SCP2: variants seen among roughly 807,000 people sequenced by gnomAD.
The protein encoded by SCP2 is sterol carrier protein 2.
A neutral mutation model predicts 71.4 loss-of-function variants in SCP2; 48 were observed. That is an observed-to-expected ratio of 0.67 (90% CI 0.53 to 0.86). SCP2 has a LOEUF of 0.86. Among genes scored for constraint, SCP2 ranks in the 40% least tolerant of loss-of-function variants. The pLI is 0.00. For missense variants in SCP2, 560 were observed against 655.6 expected (o/e 0.85, Z 1.59); for synonymous variants, 220 against 218.1 (o/e 1.01, Z -0.08).
intron 12 of SCP2, among the ~76,000 whole-genome samples, chr1:53,020,211 G>A (rs1661623075): frequency 6.6e-6 from 1 of 152,062 alleles, no homozygotes; most frequent in Non-Finnish European, 1.5e-5. Context: ...TGATCAGTGG[G>A]AAGAGTACCT....
Position 52,940,833 on chromosome 1 carries a change from CTCTGCCTCCTGGTTCAAGTGATTCT to C in SCP2, c.70-954_70-930del, listed in dbSNP as rs570146824. On this transcript the variant is annotated intron_variant, in intron 1 of 15. Transcript: ENST00000371514. Reference sequence around the variant, plus strand: ...TGGCACTATCTCGGCTCACTGCAACCTCTGCCTCCTGGTTCAAGTGATTCTTCTGCCTCAGCCTCCTGAGGAGCTG... The same window carrying C: ...TGGCACTATCTCGGCTCACTGCAACCTCTGCCTCAGCCTCCTGAGGAGCTG... 7.6e-3 allele frequency among the ~76,000 whole-genome samples: 1,161 copies of C among 152,260 alleles called. 10 individuals are homozygous for C. Among genetic ancestry groups the C allele is most frequent in the African/African-American group, 0.025 (1,048 of 41,532 alleles).
chr1:53,027,368 T>C (rs987239064), intron 12 of SCP2, among the ~76,000 whole-genome samples: 3 of 152,078 alleles, frequency 2.0e-5, no homozygotes, highest in Non-Finnish European at 4.4e-5. Flanking sequence ...ATATTATTTA[T>C]TTTTTTGTTT....
At chr1:53,029,480 T>A (rs896267321) in intron 13 of SCP2, among the ~76,000 whole-genome samples, 2 of 152,220 alleles carry the variant, frequency 1.3e-5, no homozygotes, top group African/African-American at 4.8e-5. Context: ...GTTACAGCCA[T>A]AATCACAATG....
chr1:53,009,215 AGAT>A (rs1175781306), intron 11 of SCP2, among the ~76,000 whole-genome samples: 8 of 152,228 alleles, frequency 5.3e-5, no homozygotes, highest in African/African-American at 1.9e-4. Flanking sequence ...GGTAATTTAT[AGAT>A]TCAGTGCCAT....
intron 12 of SCP2, among the ~76,000 whole-genome samples, chr1:53,016,609 T>C (rs1321938879): frequency 2.0e-5 from 3 of 152,096 alleles, no homozygotes; most frequent in Non-Finnish European, 4.4e-5. Flanking sequence ...AACAGAAGTA[T>C]AGGGGAAGGG....
intron 14 of SCP2, 70 bp from the exon 15 acceptor site, chr1:53,047,788 C>T (rs1663928834): frequency 2.7e-6 from 3 of 1,107,110 alleles, no homozygotes; most frequent in Non-Finnish European, 4.2e-6. Flanking sequence ...GTCAGTGGCT[C>T]TTGACAAAAA....
Position 52,927,300 on chromosome 1 carries a change from C to A in SCP2, c.-97C>A. ...CACGCGCCTGTGTTGCCGCCCGCGG[C>A]CCTGGCTTCGGGCTTCAGGGAGCTC... On this transcript the variant is annotated 5_prime_UTR_variant, in exon 1 of 16. Coordinates refer to ENST00000371514, the MANE Select transcript of SCP2 (RefSeq NM_002979.5). 1 of 1,096,466 alleles carries A rather than the reference C, an allele frequency of 9.1e-7. No individual in the cohort carries two copies. Among genetic ancestry groups the A allele is most frequent in the Non-Finnish European group, 1.3e-6 (1 of 744,378 alleles). 67.9% of individuals were successfully genotyped at this position (1,096,466 alleles called of 1,614,324 possible). A position where few individuals can be genotyped will look rare whatever the true frequency, so the allele number is the denominator to read the frequency against.
intron 11 of SCP2, chr1:52,993,866 T>C: frequency 1.4e-6 from 2 of 1,477,112 alleles, no homozygotes; most frequent in Non-Finnish European, 1.8e-6. Context: ...AATCATATGA[T>C]AGTATTCCTA....
In SCP2 at chr1:52,974,851, T is replaced by C. The variant is rs781405406; in HGVS notation, c.587+19T>C. Reference sequence around the variant, plus strand: ...ATAACCCGTAAGTATTTCAGAGACATGAAATAATGAAAATCTGGGTTATCC... The same window carrying C: ...ATAACCCGTAAGTATTTCAGAGACACGAAATAATGAAAATCTGGGTTATCC... On this transcript the variant is annotated intron_variant, in intron 7 of 15. Transcript: ENST00000371514. 8.3e-7 allele frequency: 1 copy of C among 1,204,086 alleles called. No homozygotes were observed. The highest frequency in any genetic ancestry group is 2.3e-5 in the East Asian group (1 of 42,936). The allele number at this position is 1,204,086 out of a possible 1,614,324, so 74.6% of individuals were successfully genotyped here.
chr1:53,046,484 C>T (rs1265985724), intron 14 of SCP2, among the ~76,000 whole-genome samples: 1 of 152,102 alleles, frequency 6.6e-6, no homozygotes, highest in African/African-American at 2.4e-5. Flanking sequence ...ATAATGCCTA[C>T]ATGTGTCATT....
intron 12 of SCP2, among the ~76,000 whole-genome samples, chr1:53,026,747 A>G (rs1662157657): frequency 6.6e-6 from 1 of 152,080 alleles, no homozygotes; most frequent in Non-Finnish European, 1.5e-5. Context: ...GTTCGAGGTT[A>G]CAGTAAGCTG....
intron 13 of SCP2, among the ~76,000 whole-genome samples, chr1:53,037,078 A>G (rs1347295825): frequency 1.3e-5 from 2 of 152,204 alleles, no homozygotes; most frequent in Non-Finnish European, 2.9e-5. Flanking sequence ...CAGAGGTTGC[A>G]GTGAGGCAAG....
chr1:53,031,720 C>T (rs1315723321), intron 13 of SCP2, among the ~76,000 whole-genome samples: 1 of 152,194 alleles, frequency 6.6e-6, no homozygotes, highest in Non-Finnish European at 1.5e-5. Context: ...CTCTCTCACT[C>T]CCACTTCAAT....
chr1:52,947,394 G>A (rs989606153), intron 2 of SCP2, among the ~76,000 whole-genome samples: 2 of 151,710 alleles, frequency 1.3e-5, no homozygotes, highest in Non-Finnish European at 2.9e-5. Flanking sequence ...AGTTTTAGAT[G>A]TCTGTTTGCT....
At position 52,980,440 on chromosome 1, in the gene SCP2, G is replaced by A; in HGVS notation, c.870G>A (p.Glu290=). 6.2e-7 allele frequency: 1 copy of A among 1,614,118 alleles called. No individual in the cohort carries two copies. The highest frequency in any genetic ancestry group is 8.5e-7 in the Non-Finnish European group (1 of 1,179,982). The change falls in exon 10 of 16, where the codon GAG becomes GAA. Residue 290 remains glutamate (E), a synonymous_variant. Transcript: ENST00000371514. The part of the protein sequence containing the change: ...MSKEAARKCY[E]KSGLTPNDID... ...AAGAAGCTGCAAGAAAATGCTATGAGAAATCTGGCCTGACACCAAATGATA... is the reference window on the plus strand; with the variant it reads ...AAGAAGCTGCAAGAAAATGCTATGAAAAATCTGGCCTGACACCAAATGATA...
intron 12 of SCP2, among the ~76,000 whole-genome samples, chr1:53,016,138 C>T (rs1043868179): frequency 5.9e-5 from 9 of 152,064 alleles, no homozygotes; most frequent in African/African-American, 1.9e-4. Flanking sequence ...TTTATTGAGT[C>T]TATGTTATTC....
At position 53,035,109 on chromosome 1, in the gene SCP2, GAAA is replaced by G. The variant is rs199933576; in HGVS notation, c.1339-3797_1339-3795del. On this transcript the variant is annotated intron_variant, in intron 13 of 15. Coordinates refer to ENST00000371514, the MANE Select transcript of SCP2 (RefSeq NM_002979.5). ...TGACAGAGTGAGACTCTGTCTCAAA[GAAA>G]AAAAAAAAAATTAATATGATACCAA... is the stretch of plus-strand genomic sequence containing the variant. Among the ~76,000 whole-genome samples the G allele has an allele frequency of 2.3e-5, 3 of 131,022 alleles. 1 individual carries two copies. In the South Asian group the frequency reaches 7.2e-4, roughly 32 times the overall value. The allele number at this position is 131,022 out of a possible 152,430, so 86.0% of individuals were successfully genotyped here. A position where few individuals can be genotyped will look rare whatever the true frequency, so the allele number is the denominator to read the frequency against.
Position 53,050,749 on chromosome 1 carries a change from G to T in SCP2, c.*45G>T. The T allele has an allele frequency of 4.8e-5, 56 of 1,160,652 alleles. No individual in the cohort carries two copies. The highest frequency in any genetic ancestry group is 6.8e-5 in the Non-Finnish European group (52 of 768,164). The allele number at this position is 1,160,652 out of a possible 1,614,324, so 71.9% of individuals were successfully genotyped here. On this transcript the variant is annotated 3_prime_UTR_variant, in exon 16 of 16. Coordinates refer to ENST00000371514, the MANE Select transcript of SCP2 (RefSeq NM_002979.5). ...TTTGAAAATCAAGATGAGATATATA[G>T]ATATATATCCATACATTTTATTGTC...
intron 14 of SCP2, among the ~76,000 whole-genome samples, chr1:53,042,270 T>C (rs1404493603): frequency 1.3e-5 from 2 of 152,132 alleles, no homozygotes; most frequent in African/African-American, 4.8e-5. Flanking sequence ...AGTGATCTTT[T>C]TTTTTTTTAA....
Sources: allele counts gnomAD v4.1 joint callset (sites outside exome capture counted in the v4.1 genomes callset), GRCh38; gene constraint gnomAD v4.1.1; transcripts MANE v1.5; gene names NCBI Gene and HGNC (gene_info 2026-07-23, HGNC 2026-07-21).